The following ALOX5AP variants were observed in gnomAD, a reference collection of about 807,000 sequenced individuals.
ALOX5AP encodes the protein arachidonate 5-lipoxygenase-activating protein.
In ALOX5AP, 9 loss-of-function variants were observed where a neutral mutation model predicts 18.5. That is an observed-to-expected ratio of 0.49 (90% CI 0.29 to 0.85). ALOX5AP has a LOEUF of 0.85. ALOX5AP is among the 40% of genes least tolerant of loss of function. The pLI, the probability that ALOX5AP is intolerant of heterozygous loss-of-function variation, is 0.08. For synonymous variants in ALOX5AP, 81 were observed against 78.6 expected (o/e 1.03, Z -0.16); for missense variants, 172 against 202.5 (o/e 0.85, Z 0.91).
intron 1 of ALOX5AP, among the ~76,000 whole-genome samples, chr13:30,741,835 T>TG (rs1271660530): frequency 2.6e-5 from 4 of 151,016 alleles, no homozygotes; most frequent in South Asian, 2.1e-4. Context: ...TTTTCTGTTT[T>TG]TTTTTTTTTT....
chr13:30,754,394 C>T (rs138676085), intron 3 of ALOX5AP, among the ~76,000 whole-genome samples: 15 of 152,286 alleles, frequency 9.8e-5, no homozygotes, highest in Non-Finnish European at 2.1e-4. Flanking sequence ...GTGTGTGACT[C>T]CAGGCAGTTA....
chr13:30,732,630 A>G (rs1951690214), upstream of ALOX5AP, among the ~76,000 whole-genome samples: 1 of 152,108 alleles, frequency 6.6e-6, no homozygotes, highest in African/African-American at 2.4e-5. Flanking sequence ...GCCTGGGCCA[A>G]TGAGGCTGTC....
intron 3 of ALOX5AP, among the ~76,000 whole-genome samples, chr13:30,753,269 G>A (rs2137824396): frequency 1.3e-5 from 2 of 152,348 alleles, no homozygotes; most frequent in South Asian, 4.1e-4. Context: ...GTGCTGAGAA[G>A]GCTGTCAGTA....
chr13:30,735,456 A>G, upstream of ALOX5AP: 1 of 1,284,220 alleles, frequency 7.8e-7, no homozygotes, highest in Non-Finnish European at 1.0e-6. Context: ...AAAAAAAAAA[A>G]AAAGGAAGAA....
intron 1 of ALOX5AP, among the ~76,000 whole-genome samples, chr13:30,735,910 G>A (rs1225657528): frequency 3.9e-5 from 6 of 152,114 alleles, no homozygotes; most frequent in African/African-American, 9.7e-5. Context: ...CCCATTTTTA[G>A]AGCCAGGGCT....
intron 1 of ALOX5AP, among the ~76,000 whole-genome samples, chr13:30,718,516 C>T (rs1451134349): frequency 6.6e-6 from 1 of 152,002 alleles, no homozygotes; most frequent in East Asian, 1.9e-4. Context: ...CCATTGCATA[C>T]CCATCCACTG....
chr13:30,756,082 A>G, intron 4 of ALOX5AP, 57 bp downstream of exon 4: 1 of 1,537,522 alleles, frequency 6.5e-7, no homozygotes, highest in Admixed American at 1.7e-5. Context: ...TTGAGCAGGA[A>G]GAGTGACAAT....
intron 4 of ALOX5AP, among the ~76,000 whole-genome samples, chr13:30,759,687 C>G (rs1001514158): frequency 6.6e-6 from 1 of 152,200 alleles, no homozygotes; most frequent in Non-Finnish European, 1.5e-5. Flanking sequence ...GTGGGCCCCT[C>G]CAAGTGTGGA....
chr13:30,758,289 C>T (rs1329237220), intron 4 of ALOX5AP, among the ~76,000 whole-genome samples: 3 of 152,192 alleles, frequency 2.0e-5, no homozygotes, highest in Non-Finnish European at 4.4e-5. Context: ...TTCAGTTGGG[C>T]CCATCTCCTC....
chr13:30,720,156 G>A (rs1222314255), intron 1 of ALOX5AP, among the ~76,000 whole-genome samples: 1 of 152,156 alleles, frequency 6.6e-6, no homozygotes, highest in Non-Finnish European at 1.5e-5. Context: ...CACCGCGCCC[G>A]GCCTCTAGAG....
At chr13:30,730,346 A>G (rs1171889997) in intron 1 of ALOX5AP, among the ~76,000 whole-genome samples, 1 of 152,218 alleles carries the variant, frequency 6.6e-6, no homozygotes, top group South Asian at 2.1e-4. Context: ...AACCAGGTTG[A>G]TTTGGTTCTC....
chr13:30,727,368 T>G (rs1951647215), intron 1 of ALOX5AP, among the ~76,000 whole-genome samples: 1 of 151,762 alleles, frequency 6.6e-6, no homozygotes, highest in South Asian at 2.1e-4. Context: ...GGGAGGCAAC[T>G]TTAGCATGGT....
chr13:30,739,871 A>G (rs1399697470), intron 1 of ALOX5AP, among the ~76,000 whole-genome samples: 1 of 152,240 alleles, frequency 6.6e-6, no homozygotes, highest in East Asian at 1.9e-4. Context: ...CACTTGCTCC[A>G]TGCATATTGC....
intron 2 of ALOX5AP, among the ~76,000 whole-genome samples, chr13:30,746,811 T>C (rs374289482): frequency 2.0e-5 from 3 of 152,380 alleles, no homozygotes; most frequent in African/African-American, 4.8e-5. Context: ...ATAGTTTATA[T>C]GCAAATATAC....
At position 30,722,971 on chromosome 13, in the gene ALOX5AP, G is replaced by A. The variant is rs960455945; in HGVS notation, c.116+9130G>A. On this transcript the variant is annotated intron_variant, in intron 1 of 5. Transcript: ENST00000617770. Reference sequence around the variant, plus strand: ...ATGTTGGTTCCATGCTTCTTGTACAGCCTGCAGAACCATGAGCCAAATCAA... The same window carrying A: ...ATGTTGGTTCCATGCTTCTTGTACAACCTGCAGAACCATGAGCCAAATCAA... Among the ~76,000 whole-genome samples, 6 of 152,308 alleles carry A rather than the reference G, an allele frequency of 3.9e-5. No individual in the cohort carries two copies. The East Asian group carries it at 1.2e-3, about 29-fold the overall frequency.
At chr13:30,747,804 C>A (rs1357438460) in intron 2 of ALOX5AP, among the ~76,000 whole-genome samples, 3 of 152,198 alleles carry the variant, frequency 2.0e-5, no homozygotes, top group African/African-American at 4.8e-5. Context: ...GACACCCCTA[C>A]CGCCCACTTT....
chr13:30,721,376 T>C (rs1247232763), intron 1 of ALOX5AP, among the ~76,000 whole-genome samples: 1 of 152,200 alleles, frequency 6.6e-6, no homozygotes, highest in Non-Finnish European at 1.5e-5. Flanking sequence ...TGAGGATAGC[T>C]AAAGGGTCTT....
At position 30,756,135 on chromosome 13, in the gene ALOX5AP, C is replaced by T. The variant is rs889474042; in HGVS notation, c.323+110C>T. ...TAGATTCACGGCTCCGTAGCATCCC[C>T]TTGGGTGGGAGGGGGAAGGCTGACT... On this transcript the variant is annotated intron_variant, in intron 4 of 4. Coordinates refer to ENST00000380490, the MANE Select transcript of ALOX5AP (RefSeq NM_001629.4). 4 of 1,056,886 alleles carry T rather than the reference C, an allele frequency of 3.8e-6. No homozygotes were observed. In the African/African-American group the frequency reaches 6.3e-5, roughly 17 times the overall value. The allele number at this position is 1,056,886 out of a possible 1,614,324, so 65.5% of individuals were successfully genotyped here. A position where few individuals can be genotyped will look rare whatever the true frequency, so the allele number is the denominator to read the frequency against.
chr13:30,742,297 C>T (rs1480077582), intron 1 of ALOX5AP: 2 of 151,572 alleles, frequency 1.3e-5, no homozygotes, highest in Non-Finnish European at 2.9e-5. Context: ...GCCTGGGCAA[C>T]AGAGTGAGAC....
Sources: gnomAD v4.1 joint callset for allele counts (sites outside exome capture counted in the v4.1 genomes callset) on GRCh38, gnomAD v4.1.1 for gene constraint, MANE v1.5 for transcripts, NCBI Gene and HGNC (gene_info 2026-07-23, HGNC 2026-07-21) for gene names.